The following ABCC10 variants were observed in gnomAD, a reference collection of about 807,000 sequenced individuals.
The protein encoded by ABCC10 is ATP-binding cassette sub-family C member 10.
In ABCC10, 110 loss-of-function variants were observed where a neutral mutation model predicts 143.2. The observed-to-expected ratio is 0.77, with a 90% CI of 0.66 to 0.90. The LOEUF is 0.90. ABCC10 is among the 40% of genes least tolerant of loss of function. The pLI is 0.00. For synonymous variants in ABCC10, 805 were observed against 846.7 expected (o/e 0.95, Z 0.85); for missense variants, 1,700 against 1,900.5 (o/e 0.89, Z 1.96).
intron 18 of ABCC10, chr6:43,448,227 A>G (rs1783336469): frequency 1.9e-6 from 1 of 522,798 alleles, no homozygotes; most frequent in South Asian, 1.8e-5. Flanking sequence ...CAAGATACTG[A>G]TCCCCTGAGT....
rs1396768709 is a variant in ABCC10 at position 43,428,146 on chromosome 6, A to G, written c.161+7A>G. 6.6e-7 allele frequency: 1 copy of G among 1,523,664 alleles called. No homozygotes were observed. Among genetic ancestry groups the G allele is most frequent in the Non-Finnish European group, 8.8e-7 (1 of 1,136,416 alleles). The allele number at this position is 1,523,664 out of a possible 1,614,324, so 94.4% of individuals were successfully genotyped here. ...GTTACTTGGGCACCCCGAGGTGGGT[A>G]GAGACGGGCGCAAGGCATCTGTCCA... is the stretch of plus-strand genomic sequence containing the variant. On this transcript the variant is annotated splice_region_variant and intron_variant, in intron 2 of 21. Transcript: ENST00000372530.
intron 19 of ABCC10, 38 bp downstream of exon 19, chr6:43,449,064 C>G: frequency 1.2e-6 from 2 of 1,613,520 alleles, no homozygotes; most frequent in Non-Finnish European, 1.7e-6. Context: ...AAGAAGGGAG[C>G]AGGGATGGCC....
At chr6:43,450,549 G>T, downstream of ABCC10, 2 of 1,562,166 alleles carry the variant, frequency 1.3e-6, no homozygotes, top group Non-Finnish European at 1.7e-6. The surrounding 1 kb of genome is among the most constrained non-coding windows in gnomAD (Gnocchi z 4.5). Context: ...TCACAGTGCT[G>T]TGGTCTTTCC....
Position 43,433,161 on chromosome 6 carries a change from T to C in ABCC10, c.1181T>C (p.Phe394Ser). 1 of 1,614,074 alleles carries C rather than the reference T, an allele frequency of 6.2e-7. No homozygotes were observed. The highest frequency in any genetic ancestry group is 8.5e-7 in the Non-Finnish European group (1 of 1,179,938). ...ACTGACTCTGAACGGCTGCTTAACT[T>C]TGCTGGGAGCTTCCATGAAGCCTGG... Reference protein sequence around the residue: ...LGTDSERLLNFAGSFHEAWGL... With the variant: ...LGTDSERLLNSAGSFHEAWGL... The change falls in exon 3 of 22, where the codon TTT becomes TCT. Residue 394 changes from phenylalanine to serine, a missense_variant. Physicochemically the swap from Phe to Ser is radical, Grantham distance 155 (BLOSUM62 -2). Transcript: ENST00000372530.
At chr6:43,429,883 T>C (rs558745103) in intron 2 of ABCC10, among the ~76,000 whole-genome samples, 47 of 152,110 alleles carry the variant, frequency 3.1e-4, no homozygotes, top group Non-Finnish European at 5.6e-4. Flanking sequence ...GAGGTTGTGG[T>C]GCGCCAAGAT....
At chr6:43,436,768 C>G (rs1428039903) in intron 6 of ABCC10, among the ~76,000 whole-genome samples, 1 of 152,240 alleles carries the variant, frequency 6.6e-6, no homozygotes, top group Non-Finnish European at 1.5e-5. Flanking sequence ...TCTCTCCTGA[C>G]CTTTGTCCAA....
In ABCC10 at chr6:43,449,163, C is replaced by A; in HGVS notation, c.4162C>A (p.Gln1388Lys). The A allele has an allele frequency of 1.2e-6, 2 of 1,614,066 alleles. No homozygotes were observed. The highest frequency in any genetic ancestry group is 8.5e-7 in the Non-Finnish European group (1 of 1,180,004). Residue 1388 changes from glutamine to lysine, a missense_variant, in exon 20 of 22, where the codon CAG (glutamine) becomes AAG (lysine). Physicochemically the swap from Gln to Lys is moderately conservative, Grantham distance 53. Transcript: ENST00000372530. ...CCGGAGCTTATCTCTTGGGCAGAGG[C>A]AGCTGTTGTGTTTGGCCAGGGCTCT... is the stretch of plus-strand genomic sequence containing the variant. Reference protein sequence around the residue: ...GGRSLSLGQRQLLCLARALLT... With the variant: ...GGRSLSLGQRKLLCLARALLT...
intron 8 of ABCC10, among the ~76,000 whole-genome samples, chr6:43,439,222 G>A (rs1782071851): frequency 6.6e-6 from 1 of 152,100 alleles, no homozygotes. Flanking sequence ...ATTTATAGGA[G>A]AAGAGATTCC....
rs760237263 is a variant in ABCC10 at position 43,449,868 on chromosome 6, C to A, written c.4317-61C>A. 7 of 1,583,706 alleles carry A rather than the reference C, an allele frequency of 4.4e-6. No homozygotes were observed. In the Admixed American group the frequency reaches 6.8e-5, roughly 15 times the overall value. On this transcript the variant is annotated intron_variant, in intron 21 of 21. Coordinates refer to ENST00000372530, the MANE Select transcript of ABCC10 (RefSeq NM_001198934.2). Reference sequence around the variant, plus strand: ...CGAGGGGAGAGGAGGGAAAGCAGGTCAGTGTTCTTACTTAGGGCATTGTCC... The same window carrying A: ...CGAGGGGAGAGGAGGGAAAGCAGGTAAGTGTTCTTACTTAGGGCATTGTCC...
intron 9 of ABCC10, 45 bp from the exon 10 acceptor site, chr6:43,442,925 G>C: frequency 6.8e-7 from 1 of 1,481,348 alleles, no homozygotes; most frequent in East Asian, 2.3e-5. Flanking sequence ...CTTCTCCGGA[G>C]AGCCTTTGGG....
intron 21 of ABCC10, 99 bp downstream of exon 21, chr6:43,449,633 A>G: frequency 1.0e-6 from 1 of 994,420 alleles, no homozygotes; most frequent in Non-Finnish European, 1.5e-6. Context: ...GGCCTTAGAG[A>G]TCCTGCCCCC....
rs547806531 is a variant in ABCC10, at chr6:43,432,882, C to T, written c.902C>T (p.Ser301Leu). Reference protein sequence around the residue: ...LKLVGTMLGFSGPLLLSLLVG... With the variant: ...LKLVGTMLGFLGPLLLSLLVG... ...CTGGTGGGGACCATGTTGGGATTCTCAGGGCCCCTGTTGCTCTCCCTACTG... is the reference window on the plus strand; with the variant it reads ...CTGGTGGGGACCATGTTGGGATTCTTAGGGCCCCTGTTGCTCTCCCTACTG... Residue 301 changes from serine (S) to leucine (L), a missense_variant, in exon 3 of 22, where the codon TCA (serine) becomes TTA (leucine). Ser to Leu is a moderately radical substitution (Grantham distance 145). Coordinates refer to ENST00000372530, the MANE Select transcript of ABCC10 (RefSeq NM_001198934.2). 2.5e-6 allele frequency: 4 copies of T among 1,614,170 alleles called. No individual in the cohort carries two copies. Among genetic ancestry groups the T allele is most frequent in the African/African-American group, 2.7e-5 (2 of 75,028 alleles).
At position 43,432,058 on chromosome 6, in the gene ABCC10, G is replaced by A. The variant is rs942486049; in HGVS notation, c.162-84G>A. The A allele has an allele frequency of 1.9e-5, 29 of 1,551,182 alleles. No homozygotes were observed. In the African/African-American group the frequency reaches 3.7e-4, roughly 20 times the overall value. On this transcript the variant is annotated intron_variant, in intron 2 of 21. Transcript: ENST00000372530. ...GGCAGGAAGGGAGTTGATTCCTTAG[G>A]TAAGTGAATTATTGGAGGTGAGGGG...
At chr6:43,451,298 A>G (rs763361670), downstream of ABCC10, 1 of 1,605,396 alleles carries the variant, frequency 6.2e-7, no homozygotes, top group South Asian at 1.1e-5. The surrounding 1 kb of genome is among the most constrained non-coding windows in gnomAD (Gnocchi z 4.4). Flanking sequence ...GAGAGAGGAC[A>G]TGATAACCAA....
Position 43,449,922 on chromosome 6 carries a change from C to A in ABCC10, c.4317-7C>A. Reference sequence around the variant, plus strand: ...ATCCCCTACACTGACCATCTTCCCCCTCACAGGCTCAACACGATCCTGAAC... The same window carrying A: ...ATCCCCTACACTGACCATCTTCCCCATCACAGGCTCAACACGATCCTGAAC... On this transcript the variant is annotated splice_polypyrimidine_tract_variant and splice_region_variant and intron_variant, in intron 21 of 21. Transcript: ENST00000372530. The A allele has an allele frequency of 6.2e-7, 1 of 1,613,980 alleles. No individual in the cohort carries two copies. Among genetic ancestry groups the A allele is most frequent in the South Asian group, 1.1e-5 (1 of 91,064 alleles).
chr6:43,438,208 T>G (rs928887326), intron 7 of ABCC10, 195 bp downstream of exon 7: 8 of 885,888 alleles, frequency 9.0e-6, no homozygotes, highest in Non-Finnish European at 1.3e-5. Flanking sequence ...TACACCAGAG[T>G]GTTTTAAATG....
intron 1 of ABCC10, 46 bp from the exon 2 acceptor site, chr6:43,427,922 G>A (rs1239170539): frequency 6.2e-7 from 1 of 1,604,772 alleles, no homozygotes; most frequent in South Asian, 1.1e-5. Context: ...TGCAGGCAAA[G>A]CCGGCTGTTA....
chr6:43,450,943 C>T (rs1264146917), downstream of ABCC10: 2 of 1,614,064 alleles, frequency 1.2e-6, no homozygotes, highest in African/African-American at 1.3e-5. This position sits in a 1 kb window ranked among gnomAD's most constrained non-coding sequence, Gnocchi z 4.5. Flanking sequence ...ACAGGTAAGA[C>T]AAGCTCACAG....
At position 43,440,742 on chromosome 6, in the gene ABCC10, A is replaced by G. The variant is rs535225824; in HGVS notation, c.2128-1120A>G. ...CTGGGCGTGGTCGTGGGCACCTGTAATCCCAGCTACTCGGGAGGCTGAGGC... is the reference window on the plus strand; with the variant it reads ...CTGGGCGTGGTCGTGGGCACCTGTAGTCCCAGCTACTCGGGAGGCTGAGGC... On this transcript the variant is annotated intron_variant, in intron 8 of 21. Coordinates refer to ENST00000372530, the MANE Select transcript of ABCC10 (RefSeq NM_001198934.2). Among the ~76,000 whole-genome samples the G allele has an allele frequency of 2.6e-5, 4 of 151,936 alleles. No individual in the cohort carries two copies. The South Asian group carries it at 8.3e-4, about 32-fold the overall frequency.
Sources: gnomAD v4.1 joint callset for allele counts (sites outside exome capture counted in the v4.1 genomes callset) on GRCh38, gnomAD v4.1.1 for gene constraint, Gnocchi (gnomAD v3.1) non-coding constraint, MANE v1.5 for transcripts, NCBI Gene and HGNC (gene_info 2026-07-23, HGNC 2026-07-21) for gene names.